PIK3C3: variants seen among roughly 807,000 people sequenced by gnomAD.
PIK3C3 encodes the protein PI3-kinase type 3.
A neutral mutation model predicts 126.1 loss-of-function variants in PIK3C3; 95 were observed. The observed-to-expected ratio is 0.75, with a 90% CI of 0.64 to 0.89. The LOEUF (loss-of-function observed/expected upper bound fraction) is 0.89. PIK3C3 is among the 40% of genes least tolerant of loss of function. The probability of loss-of-function intolerance (pLI) is 0.00; values close to 1 mark genes in which losing one functional copy is unlikely to be tolerated. For synonymous variants in PIK3C3, 374 were observed against 360.0 expected (o/e 1.04, Z -0.44); for missense variants, 829 against 1,063.2 (o/e 0.78, Z 3.06).
At chr18:41,986,841 A>G (rs890143919) in intron 4 of PIK3C3, among the ~76,000 whole-genome samples, 4 of 152,090 alleles carry the variant, frequency 2.6e-5, no homozygotes, top group African/African-American at 9.7e-5. Flanking sequence ...TTTTTTTATT[A>G]CAATGAACTT....
At position 42,020,624 on chromosome 18, in the gene PIK3C3, TTTAA is replaced by T. The variant is rs1461298956; in HGVS notation, c.1417-11_1417-8del. ...AGATGATAATATATAATACATTTCT[TTTAA>T]TTCTTTCAGCAAGATCTCTGTACCT... On this transcript the variant is annotated splice_polypyrimidine_tract_variant and intron_variant, in intron 12 of 24. Transcript: ENST00000262039. 1.3e-6 allele frequency: 2 copies of T among 1,562,686 alleles called. No homozygotes were observed. Among genetic ancestry groups the T allele is most frequent in the African/African-American group, 2.7e-5 (2 of 73,244 alleles).
At chr18:41,996,529 A>G (rs1351820841) in intron 8 of PIK3C3, 109 bp from the exon 9 acceptor site, 2 of 487,860 alleles carry the variant, frequency 4.1e-6, no homozygotes, top group South Asian at 5.0e-5. Flanking sequence ...TGCTTGTGTA[A>G]TAATTGTAGT....
chr18:41,970,394 A>G lies in PIK3C3; in HGVS notation c.469A>G (p.Thr157Ala), dbSNP rs1482611679. The G allele has an allele frequency of 6.2e-7, 1 of 1,613,848 alleles. No homozygotes were observed. The change falls in exon 4 of 25, where the codon ACA becomes GCA. Residue 157 changes from threonine to alanine, a missense_variant. This residue lies in a region of PIK3C3 where 313 missense variants were observed against 340.7 expected (regional missense o/e 0.92). Coordinates refer to ENST00000262039, the MANE Select transcript of PIK3C3 (RefSeq NM_002647.4). The part of the protein sequence containing the change: ...PNVEADGSEP[T>A]KTPGRTSSTL... Reference sequence around the variant, plus strand: ...TGTAGAAGCAGATGGATCAGAACCCACAAAAACTCCTGGCAGAACAAGTAG... The same window carrying G: ...TGTAGAAGCAGATGGATCAGAACCCGCAAAAACTCCTGGCAGAACAAGTAG...
rs114960290 is a variant in PIK3C3 at position 41,989,339 on chromosome 18, A to G, written c.619-1120A>G. ...TCCCACCTCCCAACGTGCTAGGATT[A>G]CAAGTGTGAGCCACCATGCCTGGTG... On this transcript the variant is annotated intron_variant, in intron 5 of 24. Coordinates refer to ENST00000262039, the MANE Select transcript of PIK3C3 (RefSeq NM_002647.4). Among the ~76,000 whole-genome samples, 1,070 of 152,228 alleles carry G rather than the reference A, an allele frequency of 7.0e-3. 13 individuals carry two copies. Among genetic ancestry groups the G allele is most frequent in the African/African-American group, 0.023 (948 of 41,544 alleles).
At chr18:42,044,824 G>A in intron 20 of PIK3C3, among the ~76,000 whole-genome samples, 1 of 152,162 alleles carries the variant, frequency 6.6e-6, no homozygotes, top group East Asian at 1.9e-4. Flanking sequence ...GATGTATGAT[G>A]TGTTATAACT....
intron 19 of PIK3C3, among the ~76,000 whole-genome samples, chr18:42,042,301 C>T (rs1321736534): frequency 6.6e-6 from 1 of 152,128 alleles, no homozygotes; most frequent in African/African-American, 2.4e-5. Context: ...GCTAGGATGC[C>T]TATGTATGAA....
chr18:41,966,666 A>G (rs1484768484), intron 3 of PIK3C3, among the ~76,000 whole-genome samples: 1 of 152,238 alleles, frequency 6.6e-6, no homozygotes, highest in Non-Finnish European at 1.5e-5. Flanking sequence ...AAGAATCCCT[A>G]GTGAATACAA....
At chr18:41,984,225 TTAAATA>T (rs1981353324) in intron 4 of PIK3C3, among the ~76,000 whole-genome samples, 1 of 152,084 alleles carries the variant, frequency 6.6e-6, no homozygotes, top group African/African-American at 2.4e-5. Context: ...AGACCCAAAA[TTAAATA>T]TAAATTGTTA....
At chr18:42,015,795 G>C (rs1983047338) in intron 12 of PIK3C3, among the ~76,000 whole-genome samples, 1 of 152,130 alleles carries the variant, frequency 6.6e-6, no homozygotes, top group African/African-American at 2.4e-5. Flanking sequence ...GGATTCATAT[G>C]CAATATGAAA....
chr18:41,970,298 T>A (rs775513751), intron 3 of PIK3C3, 29 bp from the exon 4 acceptor site: 2 of 1,604,622 alleles, frequency 1.2e-6, no homozygotes, highest in Middle Eastern at 1.7e-4. Flanking sequence ...TTAATTTACT[T>A]CTACCCTGAA....
rs987075796 is a variant in PIK3C3, at chr18:42,076,161, T to C, written c.2650-4962T>C. Among the ~76,000 whole-genome samples, 79 of 96,902 alleles carry C rather than the reference T, an allele frequency of 8.2e-4. 4 individuals carry two copies. Among genetic ancestry groups the C allele is most frequent in the African/African-American group, 2.8e-3 (56 of 19,768 alleles). 63.6% of individuals were successfully genotyped at this position (96,902 alleles called of 152,430 possible). ...ATATATATGCGCATATATATATATA[T>C]GCACATATATATATATGCACATATA... On this transcript the variant is annotated intron_variant, in intron 24 of 24. Coordinates refer to ENST00000262039, the MANE Select transcript of PIK3C3 (RefSeq NM_002647.4).
intron 12 of PIK3C3, among the ~76,000 whole-genome samples, chr18:42,019,333 G>A (rs1223500504): frequency 2.0e-5 from 3 of 152,022 alleles, no homozygotes; most frequent in South Asian, 2.1e-4. Context: ...CTTCTCAAAG[G>A]AGTTGTTTAT....
intron 10 of PIK3C3, among the ~76,000 whole-genome samples, chr18:42,005,426 T>C (rs1982497429): frequency 6.6e-6 from 1 of 152,224 alleles, no homozygotes; most frequent in African/African-American, 2.4e-5. Context: ...ATGTGGCACA[T>C]GACTGTTCAT....
intron 21 of PIK3C3, among the ~76,000 whole-genome samples, chr18:42,056,516 G>GT (rs1184409005): frequency 6.6e-6 from 1 of 152,008 alleles, no homozygotes; most frequent in Non-Finnish European, 1.5e-5. Context: ...ATCTGTTCAA[G>GT]TATATTGGTA....
At chr18:42,025,043 A>C (rs1983499796) in intron 13 of PIK3C3, among the ~76,000 whole-genome samples, 1 of 150,844 alleles carries the variant, frequency 6.6e-6, no homozygotes. Flanking sequence ...CGATCTCCTG[A>C]CCTCATGATC....
chr18:42,081,463 A>T lies in PIK3C3; in HGVS notation c.*326A>T, dbSNP rs1416112039. ...AAGTAATATGTTGAAATAGTAAAAC[A>T]TTTTAGTTTTTGAGTTTAAAATGTT... is the stretch of plus-strand genomic sequence containing the variant. On this transcript the variant is annotated 3_prime_UTR_variant, in exon 25 of 25. Transcript: ENST00000262039. 1 of 264,314 alleles carries T rather than the reference A, an allele frequency of 3.8e-6. No homozygotes were observed. Among genetic ancestry groups the T allele is most frequent in the East Asian group, 5.8e-5 (1 of 17,248 alleles). 16.4% of individuals were successfully genotyped at this position (264,314 alleles called of 1,614,324 possible).
intron 22 of PIK3C3, among the ~76,000 whole-genome samples, chr18:42,062,979 G>A (rs1320986632): frequency 6.6e-6 from 1 of 152,042 alleles, no homozygotes; most frequent in East Asian, 1.9e-4. Context: ...TAACCCCCAT[G>A]TTGGTTCCTG....
chr18:42,027,582 G>A, intron 14 of PIK3C3, 34 bp downstream of exon 14: 1 of 1,267,044 alleles, frequency 7.9e-7, no homozygotes, highest in Non-Finnish European at 1.1e-6. Context: ...GCAAACTGCA[G>A]CACATGGGCC....
chr18:41,965,392 C>T (rs1980305210), intron 3 of PIK3C3, among the ~76,000 whole-genome samples: 1 of 152,186 alleles, frequency 6.6e-6, no homozygotes, highest in South Asian at 2.1e-4. Context: ...GTGAAATGAA[C>T]TGCGTACATC....
Sources: allele counts gnomAD v4.1 joint callset (sites outside exome capture counted in the v4.1 genomes callset), GRCh38; gene constraint gnomAD v4.1.1; regional missense constraint gnomAD v4.1.1; transcripts MANE v1.5; gene names NCBI Gene and HGNC (gene_info 2026-07-23, HGNC 2026-07-21).